ZNF692: variants seen among roughly 807,000 people sequenced by gnomAD.
The protein encoded by ZNF692 is zinc finger protein 692, also known as AICAR responsive element binding protein.
A neutral mutation model predicts 49.0 loss-of-function variants in ZNF692; 41 were observed. The observed-to-expected ratio is 0.84, with a 90% CI of 0.65 to 1.08. The LOEUF (loss-of-function observed/expected upper bound fraction) is 1.08. Ranked by LOEUF, ZNF692 falls within the 50% of genes least tolerant of loss-of-function variation. The pLI, the probability that ZNF692 is intolerant of heterozygous loss-of-function variation, is 0.00. For missense variants in ZNF692, 662 were observed against 662.2 expected (o/e 1.00, Z 0.00); for synonymous variants, 288 against 251.5 (o/e 1.15, Z -1.37).
At position 248,857,573 on chromosome 1, in the gene ZNF692, G is replaced by A. The variant is rs1458744562; in HGVS notation, c.212-76C>T. 12 of 1,535,852 alleles carry A rather than the reference G, an allele frequency of 7.8e-6. No homozygotes were observed. The East Asian group carries it at 2.3e-4, about 29-fold the overall frequency. ...TACCCTGGAGAGCCATACCCAGGGA[G>A]CCCTGTTCCCTCAAACCCCAGGGCA... On this transcript the variant is annotated intron_variant, in intron 3 of 11. Coordinates refer to ENST00000306601, the MANE Select transcript of ZNF692 (RefSeq NM_017865.4).
rs1287908057 is a variant in ZNF692 at position 248,855,607 on chromosome 1, T to C, written c.910A>G (p.Thr304Ala). The change falls in exon 8 of 12, where the codon ACC becomes GCC. Residue 304 changes from threonine to alanine, a missense_variant. Thr to Ala is a moderately conservative substitution (Grantham distance 58). Coordinates refer to ENST00000306601, the MANE Select transcript of ZNF692 (RefSeq NM_017865.4). ...GCAGTGTCCTCATCCCAGGCCGGGGTTGGAGCAGACTGGGCCTGACTCCCA... is the reference window on the plus strand; with the variant it reads ...GCAGTGTCCTCATCCCAGGCCGGGGCTGGAGCAGACTGGGCCTGACTCCCA... ...STGSQAQSAPTPAWDEDTAQI... is the reference protein window; with the variant it reads ...STGSQAQSAPAPAWDEDTAQI... The C allele has an allele frequency of 6.2e-7, 1 of 1,614,114 alleles. No homozygotes were observed. Among genetic ancestry groups the C allele is most frequent in the South Asian group, 1.1e-5 (1 of 91,072 alleles).
chr1:248,857,768 C>T (rs1660406961), intron 3 of ZNF692, 60 bp downstream of exon 3: 1 of 1,589,938 alleles, frequency 6.3e-7, no homozygotes, highest in Non-Finnish European at 8.6e-7. Context: ...GAGGGTGTTT[C>T]TGGGTCACCC....
At position 248,858,140 on chromosome 1, in the gene ZNF692, AG is replaced by A; in HGVS notation, c.169del (p.Leu57CysfsTer70). ...TCTCCCGGCCCCTAACCGGTCCAAC[AG>A]GAACTTGGCGAGCTGCGAGTGCAGG... ...FSLHSQLAKF[L>X]LDRYTSSGCV... On this transcript the variant is annotated frameshift_variant, in exon 2 of 12. Transcript: ENST00000306601. LOFTEE classifies it high-confidence loss of function. The surrounding 1 kb of genome is among the most constrained non-coding windows in gnomAD (Gnocchi z 4.3). 6.4e-7 allele frequency: 1 copy of A among 1,567,720 alleles called. No homozygotes were observed. Among genetic ancestry groups the A allele is most frequent in the Non-Finnish European group, 8.6e-7 (1 of 1,159,068 alleles).
At position 248,854,007 on chromosome 1, in the gene ZNF692, G is replaced by A; in HGVS notation, c.1083C>T (p.Cys361=). 1 of 1,614,210 alleles carries A rather than the reference G, an allele frequency of 6.2e-7. No homozygotes were observed. The highest frequency in any genetic ancestry group is 8.5e-7 in the Non-Finnish European group (1 of 1,180,024). The change falls in exon 10 of 12, where the codon TGC becomes TGT. Residue 361 remains cysteine, a synonymous_variant. Transcript: ENST00000306601. ...AAGACTTCCCACAGGCTGGCTCTGG[G>A]CAGGAGAAAGACTTCTGGTGGATGT... ...YQHIHQKSFS[C]PEPACGKSFN...
Position 248,857,105 on chromosome 1 carries a change from G to A in ZNF692, c.475+129C>T. On this transcript the variant is annotated intron_variant, in intron 4 of 11. Transcript: ENST00000306601. ...TTTCATGCCCAACAGTGTATTTGAT[G>A]ATATATTTGTCAAGATAGAGTTTTT... 7.3e-6 allele frequency: 7 copies of A among 961,102 alleles called. No homozygotes were observed. The South Asian group carries it at 1.2e-4, about 16-fold the overall frequency. 59.5% of individuals were successfully genotyped at this position (961,102 alleles called of 1,614,324 possible).
intron 9 of ZNF692, 72 bp from the exon 10 acceptor site, chr1:248,854,123 A>G: frequency 8.5e-7 from 1 of 1,175,464 alleles, no homozygotes; most frequent in South Asian, 1.2e-5. Flanking sequence ...AGATGAACTG[A>G]GCTGACCCGG....
rs777239581 is a variant in ZNF692, at chr1:248,857,827, C to G, written c.211+1G>C. On this transcript the variant is annotated splice_donor_variant, in intron 3 of 11. Coordinates refer to ENST00000306601, the MANE Select transcript of ZNF692 (RefSeq NM_017865.4). LOFTEE classifies it high-confidence loss of function. ...CTCACCCCCTGCCATCCCCTACCTA[C>G]CTGCACAGAGGACACAGCCTGAAGA... The G allele has an allele frequency of 6.2e-7, 1 of 1,613,908 alleles. No homozygotes were observed. The highest frequency in any genetic ancestry group is 8.5e-7 in the Non-Finnish European group (1 of 1,179,926).
In ZNF692 at chr1:248,858,182, T is replaced by C. The variant is rs972618981; in HGVS notation, c.128A>G (p.Glu43Gly). 11 of 1,579,514 alleles carry C rather than the reference T, an allele frequency of 7.0e-6. No homozygotes were observed. Among genetic ancestry groups the C allele is most frequent in the Admixed American group, 1.7e-5 (1 of 58,674 alleles). The change falls in exon 2 of 12, where the codon GAG becomes GGG. Residue 43 changes from glutamate (E) to glycine (G), a missense_variant. Transcript: ENST00000306601. This position sits in a 1 kb window ranked among gnomAD's most constrained non-coding sequence, Gnocchi z 4.3. ...GHMEQWCLLK[E>G]RLGFSLHSQL... The stretch of plus-strand genomic sequence containing the variant: ...CGAGTGCAGGGAGAAGCCCAGCCGC[T>C]CCTTGAGGAGGCACCACTGCTCCAT...
rs1442724522 is a variant in ZNF692 at position 248,858,160 on chromosome 1, G to A, written c.150C>T (p.His50=). ...CCAACAGGAACTTGGCGAGCTGCGA[G>A]TGCAGGGAGAAGCCCAGCCGCTCCT... is the stretch of plus-strand genomic sequence containing the variant. ...LLKERLGFSL[H]SQLAKFLLDR... Residue 50 remains histidine, a synonymous_variant, in exon 2 of 12, where the codon CAC becomes CAT. Transcript: ENST00000306601. The surrounding 1 kb of genome is among the most constrained non-coding windows in gnomAD (Gnocchi z 4.3). 8 of 1,572,366 alleles carry A rather than the reference G, an allele frequency of 5.1e-6. No individual in the cohort carries two copies. In the African/African-American group the frequency reaches 6.7e-5, roughly 13 times the overall value.
At chr1:248,853,020 C>G (rs2103046629) in intron 10 of ZNF692, among the ~76,000 whole-genome samples, 1 of 152,300 alleles carries the variant, frequency 6.6e-6, no homozygotes, top group Middle Eastern at 3.4e-3. Context: ...CCTTCCCAAG[C>G]CCATTTCTCC....
At chr1:248,857,574 C>T (rs1483619584) in intron 3 of ZNF692, 77 bp from the exon 4 acceptor site, 14 of 1,534,772 alleles carry the variant, frequency 9.1e-6, no homozygotes, top group Non-Finnish European at 1.2e-5. Context: ...ACCCAGGGAG[C>T]CCTGTTCCCT....
chr1:248,855,962 AG>A lies in ZNF692; in HGVS notation c.660-17del. ...AGGCTCACTACTGAAAGGAGAACAA[AG>A]AGGAAGATGGCATTAACTTTCTGGG... On this transcript the variant is annotated splice_polypyrimidine_tract_variant and intron_variant, in intron 6 of 11. Coordinates refer to ENST00000306601, the MANE Select transcript of ZNF692 (RefSeq NM_017865.4). 6.2e-7 allele frequency: 1 copy of A among 1,611,898 alleles called. No individual in the cohort carries two copies. The highest frequency in any genetic ancestry group is 1.7e-5 in the Admixed American group (1 of 59,784).
chr1:248,857,967 C>T, intron 2 of ZNF692, 108 bp from the exon 3 acceptor site: 1 of 1,559,938 alleles, frequency 6.4e-7, no homozygotes, highest in Admixed American at 1.9e-5. Flanking sequence ...TTCGCTGAGA[C>T]CATGAGGAGG....
At chr1:248,857,977 G>C (rs1660438757) in intron 2 of ZNF692, 118 bp from the exon 3 acceptor site, 1 of 1,554,948 alleles carries the variant, frequency 6.4e-7, no homozygotes, top group East Asian at 2.4e-5. Flanking sequence ...CCATGAGGAG[G>C]GGAGCAGGAC....
Position 248,856,293 on chromosome 1 carries a change from T to C in ZNF692, c.654A>G (p.Pro218=). 1 of 1,583,448 alleles carries C rather than the reference T, an allele frequency of 6.3e-7. No homozygotes were observed. The highest frequency in any genetic ancestry group is 2.2e-5 in the East Asian group (1 of 44,748). ...DASLWTYSSS[P]DDSEPDAPRL... The stretch of plus-strand genomic sequence containing the variant: ...CTCCCTCAACCCCAACTTGCTCATC[T>C]GGGGAGGAGCTGTAGGTCCATAAGC... Residue 218 remains proline, a synonymous_variant, in exon 6 of 12, where the codon CCA becomes CCG. Coordinates refer to ENST00000306601, the MANE Select transcript of ZNF692 (RefSeq NM_017865.4).
In ZNF692 at chr1:248,858,699, G is replaced by C. The variant is rs1234932579; in HGVS notation, c.-13+219C>G. 6.4e-6 allele frequency: 5 copies of C among 783,796 alleles called. No homozygotes were observed. In the East Asian group the frequency reaches 1.3e-4, roughly 21 times the overall value. 48.6% of individuals were successfully genotyped at this position (783,796 alleles called of 1,614,324 possible). Reference sequence around the variant, plus strand: ...GCAGCGGCCTTTACTGGTTTCTAGGGGAAGGAAAGGTCGTGTCCTGGCGTG... The same window carrying C: ...GCAGCGGCCTTTACTGGTTTCTAGGCGAAGGAAAGGTCGTGTCCTGGCGTG... On this transcript the variant is annotated intron_variant, in intron 1 of 11. Transcript: ENST00000306601. The surrounding 1 kb of genome is among the most constrained non-coding windows in gnomAD (Gnocchi z 4.3).
At chr1:248,851,729 G>A (rs1659624646) in intron 10 of ZNF692, among the ~76,000 whole-genome samples, 1 of 152,092 alleles carries the variant, frequency 6.6e-6, no homozygotes, top group Admixed American at 6.6e-5. Flanking sequence ...ACCAGTCTCA[G>A]GTCACACCCA....
chr1:248,850,364 T>C lies in ZNF692; in HGVS notation c.1406A>G (p.Lys469Arg). The change falls in exon 12 of 12, where the codon AAA becomes AGA. Residue 469 changes from lysine to arginine, a missense_variant. Physicochemically the swap from Lys to Arg is conservative, Grantham distance 26 (BLOSUM62 2). Coordinates refer to ENST00000306601, the MANE Select transcript of ZNF692 (RefSeq NM_017865.4). Reference protein sequence around the residue: ...KPDSVAAHRSKSHPALLLAPQ... With the variant: ...KPDSVAAHRSRSHPALLLAPQ... Reference sequence around the variant, plus strand: ...GGCTAGAAGCAGGGCTGGGTGACTTTTGCTACGGTGGGCTGCAACACTGTC... The same window carrying C: ...GGCTAGAAGCAGGGCTGGGTGACTTCTGCTACGGTGGGCTGCAACACTGTC... The C allele has an allele frequency of 6.2e-7, 1 of 1,614,104 alleles. No homozygotes were observed. Among genetic ancestry groups the C allele is most frequent in the Non-Finnish European group, 8.5e-7 (1 of 1,180,024 alleles).
rs745892890 is a variant in ZNF692, at chr1:248,850,794, G to A, written c.1154-13C>T. The A allele has an allele frequency of 1.2e-6, 2 of 1,613,522 alleles. No homozygotes were observed. Among genetic ancestry groups the A allele is most frequent in the Admixed American group, 3.3e-5 (2 of 59,990 alleles). ...TAGTCCCGGGTGTCTGCAGGCATATGAGGGACACTCCAGCATCTGCCCCCA... is the reference window on the plus strand; with the variant it reads ...TAGTCCCGGGTGTCTGCAGGCATATAAGGGACACTCCAGCATCTGCCCCCA... On this transcript the variant is annotated splice_polypyrimidine_tract_variant and intron_variant, in intron 10 of 11. Transcript: ENST00000306601.
Sources: allele counts gnomAD v4.1 joint callset (sites outside exome capture counted in the v4.1 genomes callset), GRCh38; gene constraint gnomAD v4.1.1; non-coding constraint Gnocchi (gnomAD v3.1); transcripts MANE v1.5; gene names NCBI Gene and HGNC (gene_info 2026-07-23, HGNC 2026-07-21).